The following EDIL3 variants were observed in gnomAD, a reference collection of about 807,000 sequenced individuals.
EDIL3 encodes the protein EGF like and discoidin domains 3, also known as EGF-like repeat and discoidin I-like domain-containing protein 3.
EDIL3 carries 37 observed loss-of-function variants against 67.4 expected under a neutral mutation model. The observed-to-expected ratio is 0.55, with a 90% CI of 0.42 to 0.72. The LOEUF (loss-of-function observed/expected upper bound fraction) is 0.72. Among genes scored for constraint, EDIL3 ranks in the 30% least tolerant of loss-of-function variants. EDIL3 has a pLI of 0.00. For missense variants in EDIL3, 527 were observed against 586.3 expected, an observed-to-expected ratio of 0.90 and a Z score of 1.04; for synonymous variants, 195 against 196.3, an observed-to-expected ratio of 0.99 and a Z score of 0.05.
intron 1 of EDIL3, among the ~76,000 whole-genome samples, chr5:84,337,479 T>A (rs1009660436): frequency 3.3e-5 from 5 of 152,066 alleles, no homozygotes; most frequent in Non-Finnish European, 5.9e-5. Context: ...ATTGTAGTCA[T>A]CCTAGTATGA....
intron 2 of EDIL3, among the ~76,000 whole-genome samples, chr5:84,233,745 G>A (rs866752162): frequency 1.3e-5 from 2 of 152,034 alleles, no homozygotes; most frequent in African/African-American, 4.8e-5. Flanking sequence ...GAAAAAAAAG[G>A]CCTCCTCACT....
chr5:83,979,026 A>C (rs908081581), intron 9 of EDIL3, among the ~76,000 whole-genome samples: 20 of 152,240 alleles, frequency 1.3e-4, no homozygotes, highest in African/African-American at 4.6e-4. Context: ...AGTCTGAGAG[A>C]AGATATTCTT....
chr5:84,213,085 C>T (rs1744161154), intron 3 of EDIL3, among the ~76,000 whole-genome samples: 1 of 151,646 alleles, frequency 6.6e-6, no homozygotes, highest in Non-Finnish European at 1.5e-5. Context: ...TATAAATTCT[C>T]AGAAATTTTA....
At chr5:84,348,125 G>A (rs1054752495) in intron 1 of EDIL3, among the ~76,000 whole-genome samples, 3 of 152,124 alleles carry the variant, frequency 2.0e-5, no homozygotes, top group African/African-American at 7.2e-5. Context: ...TAATGAAGAG[G>A]GTGACCTGAG....
intron 9 of EDIL3, among the ~76,000 whole-genome samples, chr5:84,005,406 C>T (rs555590255): frequency 3.2e-4 from 49 of 152,084 alleles, no homozygotes; most frequent in Non-Finnish European, 6.2e-4. Context: ...CCCTGACGAA[C>T]ATAGATGTGA....
chr5:84,383,796 G>A (rs1748147900), intron 1 of EDIL3, among the ~76,000 whole-genome samples: 1 of 152,146 alleles, frequency 6.6e-6, no homozygotes, highest in Admixed American at 6.5e-5. Context: ...GCCGGGTCTG[G>A]GTTTGCGAAC....
intron 2 of EDIL3, among the ~76,000 whole-genome samples, chr5:84,234,443 G>A (rs897476801): frequency 1.6e-4 from 25 of 152,038 alleles, no homozygotes; most frequent in African/African-American, 5.8e-4. Flanking sequence ...AACTACCCAG[G>A]CCCAGTGGGC....
intron 2 of EDIL3, among the ~76,000 whole-genome samples, chr5:84,242,099 G>A (rs946519133): frequency 6.6e-6 from 1 of 151,674 alleles, no homozygotes; most frequent in African/African-American, 2.4e-5. Flanking sequence ...AGGCGTGGTG[G>A]TGGGCGCCTG....
chr5:84,328,952 G>T (rs1359350020), intron 1 of EDIL3, among the ~76,000 whole-genome samples: 2 of 151,912 alleles, frequency 1.3e-5, no homozygotes, highest in Admixed American at 6.6e-5. Context: ...ACAGTTTTTT[G>T]CCACAGAACC....
intron 9 of EDIL3, among the ~76,000 whole-genome samples, chr5:84,042,983 C>G (rs1746159553): frequency 6.6e-6 from 1 of 152,096 alleles, no homozygotes; most frequent in Non-Finnish European, 1.5e-5. Flanking sequence ...GAAATGAACA[C>G]AGAGGAGGCA....
chr5:83,963,225 C>T lies in EDIL3; in HGVS notation c.1273G>A (p.Glu425Lys). The T allele has an allele frequency of 6.3e-7, 1 of 1,597,520 alleles. No individual in the cohort carries two copies. The highest frequency in any genetic ancestry group is 8.5e-7 in the Non-Finnish European group (1 of 1,173,040). ...CTTACCTTATCTTTTCTTTGCTTTT[C>T]ATCCTGGTATACAGTCCAGTGTTCT... The part of the protein sequence containing the change: ...DGEHWTVYQD[E>K]KQRKDKVFQG... The change falls in exon 10 of 11, where the codon GAA becomes AAA. Residue 425 changes from glutamate to lysine, a missense_variant. Physicochemically the swap from Glu to Lys is moderately conservative, Grantham distance 56. Transcript: ENST00000296591.
intron 3 of EDIL3, among the ~76,000 whole-genome samples, chr5:84,190,577 GTGTATATATATATATA>G (rs1469543589): frequency 6.5e-5 from 4 of 61,802 alleles, no homozygotes; most frequent in South Asian, 4.6e-4. Context: ...GTGTGTGTGT[GTGTATATATATATATA>G]TATATATATA....
intron 10 of EDIL3, among the ~76,000 whole-genome samples, chr5:83,957,510 A>G (rs905694111): frequency 6.6e-6 from 1 of 151,718 alleles, no homozygotes; most frequent in Non-Finnish European, 1.5e-5. Context: ...AAATGACAGG[A>G]TGCTCTGTGA....
At chr5:84,230,557 A>G (rs928515902) in intron 2 of EDIL3, among the ~76,000 whole-genome samples, 8 of 151,882 alleles carry the variant, frequency 5.3e-5, no homozygotes, top group African/African-American at 1.5e-4. Flanking sequence ...ACAGGCATGT[A>G]CCACCACACC....
rs757258813 is a variant in EDIL3, at chr5:84,064,755, T to C, written c.897A>G (p.Gln299=). The change falls in exon 8 of 11, where the codon CAA becomes CAG. Residue 299 remains glutamine, a synonymous_variant. Transcript: ENST00000296591. ...IKAQYVRLYP[Q]VCRRHCTLRM... is the part of the protein sequence containing the mutation. ...GCAAAGTGCAATGTCTTCGACAAAC[T>C]TGGGGATAGAGTCTTACATACTGAG... 1 of 1,613,814 alleles carries C rather than the reference T, an allele frequency of 6.2e-7. No homozygotes were observed. The highest frequency in any genetic ancestry group is 1.3e-5 in the African/African-American group (1 of 75,038).
intron 3 of EDIL3, among the ~76,000 whole-genome samples, chr5:84,190,689 T>C (rs1743568521): frequency 6.6e-6 from 1 of 151,430 alleles, no homozygotes; most frequent in South Asian, 2.1e-4. Flanking sequence ...CTACAAAAAT[T>C]GCATGTTCTT....
chr5:84,334,585 T>C (rs1048830768), intron 1 of EDIL3, among the ~76,000 whole-genome samples: 1 of 152,184 alleles, frequency 6.6e-6, no homozygotes, highest in African/African-American at 2.4e-5. Context: ...ATGACTTTGT[T>C]AGATATTTAT....
At chr5:84,163,704 C>G (rs1015105422) in intron 4 of EDIL3, among the ~76,000 whole-genome samples, 5 of 151,940 alleles carry the variant, frequency 3.3e-5, no homozygotes, top group African/African-American at 1.2e-4. Context: ...ATTGTGACAT[C>G]TTTTATAGAC....
chr5:84,205,822 G>C (rs2112383240), intron 3 of EDIL3, among the ~76,000 whole-genome samples: 1 of 151,270 alleles, frequency 6.6e-6, no homozygotes, highest in African/African-American at 2.4e-5. Context: ...TATTAGTCTT[G>C]CTAGCGGTCT....
Sources: gnomAD v4.1 joint callset for allele counts (sites outside exome capture counted in the v4.1 genomes callset) on GRCh38, gnomAD v4.1.1 for gene constraint, MANE v1.5 for transcripts, NCBI Gene and HGNC (gene_info 2026-07-23, HGNC 2026-07-21) for gene names.